The following RGS7 variants were observed in gnomAD, a reference collection of about 807,000 sequenced individuals.
The protein encoded by RGS7 is regulator of G protein signaling 7.
RGS7 carries 27 observed loss-of-function variants against 81.1 expected under a neutral mutation model. That is an observed-to-expected ratio of 0.33 (90% CI 0.25 to 0.46). The LOEUF (loss-of-function observed/expected upper bound fraction) is 0.46, where lower values mean the gene tolerates loss of function less well. RGS7 is among the 20% of genes least tolerant of loss of function. The probability of loss-of-function intolerance (pLI) is 1.00; values close to 1 mark genes in which losing one functional copy is unlikely to be tolerated. For missense variants in RGS7, 396 were observed against 607.4 expected, an observed-to-expected ratio of 0.65 and a Z score of 3.66; for synonymous variants, 208 against 207.7, an observed-to-expected ratio of 1.00 and a Z score of -0.01.
chr1:240,998,818 C>T (rs1178863527), intron 3 of RGS7: 13 of 604,956 alleles, frequency 2.1e-5, no homozygotes, highest in Admixed American at 1.4e-4. Context: ...GTGGGGCTGG[C>T]GCTGCCGGAC....
intron 6 of RGS7, among the ~76,000 whole-genome samples, chr1:240,891,643 G>A (rs1244264429): frequency 6.6e-6 from 1 of 152,120 alleles, no homozygotes; most frequent in Non-Finnish European, 1.5e-5. Flanking sequence ...CTAAGATAGA[G>A]ATATATAATT....
chr1:241,248,177 G>T (rs1460227688), intron 2 of RGS7, among the ~76,000 whole-genome samples: 1 of 151,824 alleles, frequency 6.6e-6, no homozygotes, highest in Non-Finnish European at 1.5e-5. Flanking sequence ...AAGACTTCTT[G>T]TCTTGAAGCC....
intron 3 of RGS7, among the ~76,000 whole-genome samples, chr1:241,012,012 C>T (rs893908122): frequency 1.3e-5 from 2 of 151,890 alleles, no homozygotes; most frequent in African/African-American, 4.8e-5. Flanking sequence ...GTGGTCTTGC[C>T]CTGAATTCTT....
chr1:241,266,523 C>CTTTAA (rs1303501232), intron 2 of RGS7, among the ~76,000 whole-genome samples: 1 of 152,146 alleles, frequency 6.6e-6, no homozygotes, highest in Non-Finnish European at 1.5e-5. Context: ...ATTCTATTTC[C>CTTTAA]TTTAATTTAA....
intron 3 of RGS7, among the ~76,000 whole-genome samples, chr1:240,983,470 G>A (rs978632644): frequency 2.0e-5 from 3 of 152,186 alleles, no homozygotes; most frequent in Non-Finnish European, 2.9e-5. Flanking sequence ...AGCATAACCA[G>A]TATTTTATAA....
intron 2 of RGS7, among the ~76,000 whole-genome samples, chr1:241,172,988 G>C (rs1225415977): frequency 6.6e-6 from 1 of 152,146 alleles, no homozygotes; most frequent in East Asian, 1.9e-4. Flanking sequence ...ATAAAGGAAA[G>C]CATAGAGCAG....
At chr1:241,055,837 C>A (rs946754339) in intron 3 of RGS7, among the ~76,000 whole-genome samples, 1 of 152,190 alleles carries the variant, frequency 6.6e-6, no homozygotes, top group African/African-American at 2.4e-5. Context: ...CAGGAGCCCC[C>A]AGCCACCAGT....
intron 2 of RGS7, among the ~76,000 whole-genome samples, chr1:241,278,667 T>A (rs2078326931): frequency 6.6e-6 from 1 of 152,096 alleles, no homozygotes; most frequent in South Asian, 2.1e-4. Context: ...CCCACACACC[T>A]CACCACTGCT....
intron 2 of RGS7, among the ~76,000 whole-genome samples, chr1:241,138,655 T>G (rs2067700783): frequency 6.6e-6 from 1 of 152,232 alleles, no homozygotes. Context: ...TCACCTGTCT[T>G]GCTTATTGTC....
At chr1:241,027,140 C>G (rs949495874) in intron 3 of RGS7, among the ~76,000 whole-genome samples, 4 of 151,198 alleles carry the variant, frequency 2.6e-5, no homozygotes, top group African/African-American at 9.7e-5. Context: ...AAGTTCCAGT[C>G]TGCAGTTAGC....
intron 6 of RGS7, among the ~76,000 whole-genome samples, chr1:240,901,515 G>A (rs370301056): frequency 1.9e-4 from 29 of 152,332 alleles, no homozygotes; most frequent in East Asian, 1.4e-3. Context: ...CCAAGGGCTC[G>A]AAAGCCTGAA....
At chr1:241,137,924 ACT>A in intron 2 of RGS7, among the ~76,000 whole-genome samples, 1 of 152,174 alleles carries the variant, frequency 6.6e-6, no homozygotes, top group Non-Finnish European at 1.5e-5. Context: ...TAATCCCAGC[ACT>A]TTGGAAGGCT....
intron 6 of RGS7, among the ~76,000 whole-genome samples, chr1:240,912,152 A>C (rs1336176531): frequency 2.3e-5 from 1 of 43,966 alleles, no homozygotes; most frequent in Non-Finnish European, 6.0e-5. Flanking sequence ...TTCTGTCTCA[A>C]AAAAAAAAAA....
At chr1:241,053,877 T>C (rs1283677491) in intron 3 of RGS7, among the ~76,000 whole-genome samples, 2 of 152,200 alleles carry the variant, frequency 1.3e-5, no homozygotes, top group Non-Finnish European at 2.9e-5. Flanking sequence ...TCCGCTACCA[T>C]GTAAGACATG....
At chr1:240,879,761 G>T (rs1666069808) in intron 6 of RGS7, among the ~76,000 whole-genome samples, 1 of 152,134 alleles carries the variant, frequency 6.6e-6, no homozygotes, top group African/African-American at 2.4e-5. Flanking sequence ...GGAGAAATTA[G>T]CATATCTTCA....
intron 2 of RGS7, among the ~76,000 whole-genome samples, chr1:241,130,828 T>C (rs913817063): frequency 6.6e-6 from 1 of 150,866 alleles, no homozygotes; most frequent in African/African-American, 2.5e-5. Context: ...CTTTCAGATA[T>C]AATCCAAAGG....
At chr1:240,820,910 T>A (rs16840766) in intron 10 of RGS7, among the ~76,000 whole-genome samples, 1 of 152,172 alleles carries the variant, frequency 6.6e-6, no homozygotes, top group African/African-American at 2.4e-5. Flanking sequence ...TGTGTTTCTA[T>A]GTGAAATGTA....
intron 9 of RGS7, among the ~76,000 whole-genome samples, chr1:240,861,003 A>G (rs1662102519): frequency 6.6e-6 from 1 of 152,114 alleles, no homozygotes; most frequent in South Asian, 2.1e-4. Flanking sequence ...CTCAGACTCA[A>G]TATTTTGCAT....
intron 18 of RGS7, among the ~76,000 whole-genome samples, chr1:240,797,172 A>T (rs1687211584): frequency 6.6e-6 from 1 of 152,114 alleles, no homozygotes; most frequent in Non-Finnish European, 1.5e-5. Flanking sequence ...CGGGAAACTG[A>T]TATTGTTCAC....
Sources: gnomAD v4.1 joint callset for allele counts (sites outside exome capture counted in the v4.1 genomes callset) on GRCh38, gnomAD v4.1.1 for gene constraint, MANE v1.5 for transcripts, NCBI Gene and HGNC (gene_info 2026-07-23, HGNC 2026-07-21) for gene names.